Variants in PCBP3 observed in about 807,000 individuals in gnomAD.
PCBP3 encodes poly(rC) binding protein 3, also known as poly(rC)-binding protein 3.
A neutral mutation model predicts 52.7 loss-of-function variants in PCBP3; 25 were observed. The observed-to-expected ratio is 0.47, with a 90% confidence interval of 0.35 to 0.66. PCBP3 has a LOEUF of 0.66. Ranked by LOEUF, PCBP3 falls within the 30% of genes least tolerant of loss-of-function variation. PCBP3 has a pLI of 0.01. For synonymous variants in PCBP3, 162 were observed against 183.0 expected (o/e 0.89, Z 0.93); for missense variants, 391 against 490.3 (o/e 0.80, Z 1.91).
intron 2 of PCBP3, among the ~76,000 whole-genome samples, chr21:45,712,737 C>G (rs988932064): frequency 1.2e-4 from 18 of 151,150 alleles, no homozygotes; most frequent in African/African-American, 4.4e-4. Context: ...GGGCCTCACT[C>G]TGTCACCCAG....
At chr21:45,902,610 C>T (rs1362842108) in intron 9 of PCBP3, among the ~76,000 whole-genome samples, 1 of 152,220 alleles carries the variant, frequency 6.6e-6, no homozygotes, top group African/African-American at 2.4e-5. Context: ...AAGAACAACC[C>T]AGTCCCCGGA....
chr21:45,784,096 C>T (rs1000715760), intron 4 of PCBP3, among the ~76,000 whole-genome samples: 1 of 152,174 alleles, frequency 6.6e-6, no homozygotes, highest in African/African-American at 2.4e-5. Flanking sequence ...TCTACCTTGA[C>T]AGGGATGTAA....
At chr21:45,814,996 GTGA>G (rs2147166582) in intron 4 of PCBP3, among the ~76,000 whole-genome samples, 2 of 115,726 alleles carry the variant, frequency 1.7e-5, no homozygotes, top group Non-Finnish European at 3.6e-5. Flanking sequence ...TGAGTGAGTG[GTGA>G]GTGAGTGGTG....
chr21:45,862,185 G>GC (rs1555988403), intron 5 of PCBP3, among the ~76,000 whole-genome samples: 1 of 104,658 alleles, frequency 9.6e-6, no homozygotes, highest in African/African-American at 4.0e-5. Flanking sequence ...AGGAATTGGG[G>GC]CGGGTGGGGG....
chr21:45,855,316 G>A lies in PCBP3; in HGVS notation c.10+5221G>A, dbSNP rs184156940. On this transcript the variant is annotated intron_variant, in intron 5 of 17. Transcript: ENST00000681687. ...GCCAGCACAGACGCAGGCTCCGGAA[G>A]CCCACGGAGAGGGCTGGGCATTCTC... 3.2e-3 allele frequency among the ~76,000 whole-genome samples: 491 copies of A among 152,270 alleles called. 1 individual carries two copies. The highest frequency in any genetic ancestry group is 5.4e-3 in the Non-Finnish European group (367 of 68,014).
At chr21:45,929,783 C>T (rs906294465) in intron 13 of PCBP3, 134 bp from the exon 14 acceptor site, 15 of 701,666 alleles carry the variant, frequency 2.1e-5, no homozygotes, top group Admixed American at 6.2e-5. Context: ...CTTGCGTTCT[C>T]TTGCATCTGC....
rs61349370 is a variant in PCBP3 at position 45,876,625 on chromosome 21, A to G, written c.11-19583A>G. Among the ~76,000 whole-genome samples, 813 of 152,348 alleles carry G rather than the reference A, an allele frequency of 5.3e-3. 13 individuals carry two copies. Among genetic ancestry groups the G allele is most frequent in the African/African-American group, 0.018 (737 of 41,590 alleles). Reference sequence around the variant, plus strand: ...AGCCTCCCCTGCCCTGGGTAGCCTCAGGGACATGAAGTGCATGTGAGGCTC... The same window carrying G: ...AGCCTCCCCTGCCCTGGGTAGCCTCGGGGACATGAAGTGCATGTGAGGCTC... On this transcript the variant is annotated intron_variant, in intron 5 of 17. Transcript: ENST00000681687.
chr21:45,671,892 A>C (rs778025882), intron 2 of PCBP3, among the ~76,000 whole-genome samples: 2 of 151,956 alleles, frequency 1.3e-5, no homozygotes, highest in Non-Finnish European at 2.9e-5. Context: ...TTCACCTTCT[A>C]TTCTGGGAGT....
chr21:45,838,073 A>T (rs2093628091), intron 4 of PCBP3, among the ~76,000 whole-genome samples: 1 of 152,162 alleles, frequency 6.6e-6, no homozygotes, highest in African/African-American at 2.4e-5. Flanking sequence ...CATTCTTTGC[A>T]CTCAGTTGTT....
At chr21:45,710,931 C>G (rs2083792768) in intron 2 of PCBP3, among the ~76,000 whole-genome samples, 1 of 152,132 alleles carries the variant, frequency 6.6e-6, no homozygotes, top group Non-Finnish European at 1.5e-5. Context: ...CCAGCTTTGC[C>G]CATTGGGGGC....
At chr21:45,857,843 C>T (rs546628646) in intron 5 of PCBP3, among the ~76,000 whole-genome samples, 2 of 152,350 alleles carry the variant, frequency 1.3e-5, no homozygotes, top group African/African-American at 4.8e-5. Flanking sequence ...GCTTCTCTGC[C>T]ACTCTTGGAC....
intron 2 of PCBP3, among the ~76,000 whole-genome samples, chr21:45,733,901 G>T (rs549330621): frequency 6.6e-6 from 1 of 152,270 alleles, no homozygotes; most frequent in African/African-American, 2.4e-5. Context: ...GTGTACTAAT[G>T]ATCTCTGTGT....
intron 2 of PCBP3, among the ~76,000 whole-genome samples, chr21:45,716,452 G>T (rs1457958900): frequency 6.6e-6 from 1 of 152,130 alleles, no homozygotes; most frequent in Non-Finnish European, 1.5e-5. Flanking sequence ...GAAGCCAGAG[G>T]TCTAAAATCA....
intron 4 of PCBP3, among the ~76,000 whole-genome samples, chr21:45,795,328 T>TTC (rs1555941274): frequency 1.3e-5 from 2 of 150,058 alleles, no homozygotes; most frequent in African/African-American, 2.4e-5. Flanking sequence ...TTTTTTTTTT[T>TTC]CCCCTTTCCT....
chr21:45,936,747 T>G (rs1434488761), intron 16 of PCBP3, among the ~76,000 whole-genome samples: 1 of 152,226 alleles, frequency 6.6e-6, no homozygotes, highest in Non-Finnish European at 1.5e-5. Context: ...CAAACACTCA[T>G]TTAAAATGGA....
At chr21:45,815,753 G>A (rs1454020157) in intron 4 of PCBP3, among the ~76,000 whole-genome samples, 6 of 86,696 alleles carry the variant, frequency 6.9e-5, no homozygotes, top group African/African-American at 3.2e-4. Flanking sequence ...TGAGTGGTGA[G>A]TGAGTGATGA....
intron 4 of PCBP3, among the ~76,000 whole-genome samples, chr21:45,776,470 TTCTCTCTC>T (rs142762678): frequency 1.4e-5 from 2 of 146,878 alleles, no homozygotes; most frequent in Non-Finnish European, 3.0e-5. Context: ...GAGTCTCTCT[TTCTCTCTC>T]TCTCTCTCTC....
At chr21:45,748,579 C>T (rs2087121854) in intron 3 of PCBP3, among the ~76,000 whole-genome samples, 1 of 152,232 alleles carries the variant, frequency 6.6e-6, no homozygotes. Context: ...ACCTGTTTCC[C>T]AGCCTCTGCC....
intron 5 of PCBP3, among the ~76,000 whole-genome samples, chr21:45,879,531 A>G (rs949797728): frequency 6.6e-6 from 1 of 152,350 alleles, no homozygotes; most frequent in African/African-American, 2.4e-5. Flanking sequence ...TTATGTGCAC[A>G]TGGGATGTTC....
Sources: allele counts gnomAD v4.1 joint callset (sites outside exome capture counted in the v4.1 genomes callset), GRCh38; gene constraint gnomAD v4.1.1; transcripts MANE v1.5; gene names NCBI Gene and HGNC (gene_info 2026-07-23, HGNC 2026-07-21).